SAMD4A: variants seen among roughly 807,000 people sequenced by gnomAD.
The protein encoded by SAMD4A is protein Smaug homolog 1.
SAMD4A carries 33 observed loss-of-function variants against 81.3 expected under a neutral mutation model. That is an observed-to-expected ratio of 0.41 (90% CI 0.31 to 0.54). The LOEUF (loss-of-function observed/expected upper bound fraction) is 0.54. Among genes scored for constraint, SAMD4A ranks in the 20% least tolerant of loss-of-function variants. The pLI is 0.37. For missense variants in SAMD4A, 854 were observed against 951.1 expected (o/e 0.90, Z 1.34); for synonymous variants, 389 against 382.1 (o/e 1.02, Z -0.21).
At chr14:54,653,584 C>G (rs2035455730) in intron 2 of SAMD4A, among the ~76,000 whole-genome samples, 1 of 151,964 alleles carries the variant, frequency 6.6e-6, no homozygotes, top group Non-Finnish European at 1.5e-5. Flanking sequence ...AAGTGATCCA[C>G]CCACCTTGAC....
chr14:54,599,221 G>A (rs1001735919), intron 2 of SAMD4A, among the ~76,000 whole-genome samples: 48 of 152,136 alleles, frequency 3.2e-4, no homozygotes, highest in African/African-American at 1.0e-3. Flanking sequence ...ACCTGTTTTT[G>A]AGACCTTTAA....
At chr14:54,568,768 A>G (rs929246968) in intron 2 of SAMD4A, among the ~76,000 whole-genome samples, 10 of 131,696 alleles carry the variant, frequency 7.6e-5, no homozygotes, top group African/African-American at 2.9e-5. Flanking sequence ...TGCTCGTGAC[A>G]TTATCCATAT....
At chr14:54,620,383 T>C (rs369042622) in intron 2 of SAMD4A, among the ~76,000 whole-genome samples, 5 of 150,516 alleles carry the variant, frequency 3.3e-5, no homozygotes, top group Non-Finnish European at 7.4e-5. Context: ...TCATCATCAT[T>C]ATCAAAACTA....
chr14:54,739,809 G>T (rs1396860328), intron 4 of SAMD4A, among the ~76,000 whole-genome samples: 2 of 152,186 alleles, frequency 1.3e-5, no homozygotes, highest in Non-Finnish European at 2.9e-5. Context: ...CCAAGGGTTT[G>T]TCATTTGATC....
At chr14:54,695,113 C>T (rs1010898315) in intron 2 of SAMD4A, among the ~76,000 whole-genome samples, 19 of 152,182 alleles carry the variant, frequency 1.2e-4, no homozygotes, top group African/African-American at 4.3e-4. Context: ...ATCCAAGGGA[C>T]AGTAGCATTT....
intron 2 of SAMD4A, among the ~76,000 whole-genome samples, chr14:54,616,838 A>T (rs17127671): frequency 0.014 from 2,179 of 152,324 alleles, 46 homozygotes; most frequent in African/African-American, 0.05. Context: ...CGTAACAGGA[A>T]TTCTGAATTT....
intron 10 of SAMD4A, among the ~76,000 whole-genome samples, chr14:54,775,643 G>A (rs933534330): frequency 5.3e-5 from 8 of 152,076 alleles, no homozygotes; most frequent in African/African-American, 1.9e-4. Flanking sequence ...TCTCTGGCCC[G>A]TCGCTCATAC....
chr14:54,655,042 G>A (rs74055554), intron 2 of SAMD4A, among the ~76,000 whole-genome samples: 1 of 152,190 alleles, frequency 6.6e-6, no homozygotes, highest in Non-Finnish European at 1.5e-5. Context: ...TTTCATCGGA[G>A]ACTAGGATCT....
intron 2 of SAMD4A, among the ~76,000 whole-genome samples, chr14:54,609,071 G>C (rs1172960810): frequency 6.6e-6 from 1 of 152,230 alleles, no homozygotes; most frequent in African/African-American, 2.4e-5. Flanking sequence ...TCCAGAACCT[G>C]TGAAAATGTT....
intron 2 of SAMD4A, among the ~76,000 whole-genome samples, chr14:54,619,003 C>A (rs973530032): frequency 6.6e-6 from 1 of 151,826 alleles, no homozygotes; most frequent in African/African-American, 2.4e-5. Flanking sequence ...AAAAAAGAGC[C>A]CCTTTATTAA....
intron 2 of SAMD4A, among the ~76,000 whole-genome samples, chr14:54,646,298 A>G (rs2035285417): frequency 1.3e-5 from 2 of 152,200 alleles, no homozygotes; most frequent in Non-Finnish European, 2.9e-5. Flanking sequence ...ACTACCTAAG[A>G]AGAGGCCTAA....
intron 3 of SAMD4A, among the ~76,000 whole-genome samples, chr14:54,705,157 A>G (rs2036821190): frequency 6.6e-6 from 1 of 150,662 alleles, no homozygotes; most frequent in African/African-American, 2.4e-5. Flanking sequence ...TTGCAGCAGC[A>G]ACAGTAAGCA....
intron 11 of SAMD4A, among the ~76,000 whole-genome samples, chr14:54,783,283 G>A (rs539303654): frequency 4.6e-5 from 7 of 152,136 alleles, no homozygotes; most frequent in East Asian, 1.9e-4. Flanking sequence ...AGGGCTGGGC[G>A]CTGTGGGAGA....
intron 4 of SAMD4A, among the ~76,000 whole-genome samples, chr14:54,744,397 C>T (rs925839459): frequency 7.9e-5 from 12 of 152,108 alleles, no homozygotes; most frequent in African/African-American, 1.9e-4. Context: ...TTGTACACAC[C>T]GCACAGCCTC....
chr14:54,648,871 AT>A (rs2035343345), intron 2 of SAMD4A, among the ~76,000 whole-genome samples: 1 of 152,180 alleles, frequency 6.6e-6, no homozygotes, highest in African/African-American at 2.4e-5. Flanking sequence ...GTGGGGGTTC[AT>A]TTAGGTTGTT....
In SAMD4A at chr14:54,789,198, G is replaced by C; in HGVS notation, c.*254G>C. The C allele has an allele frequency of 5.9e-6, 2 of 339,498 alleles. No individual in the cohort carries two copies. Among genetic ancestry groups the C allele is most frequent in the Non-Finnish European group, 5.7e-6 (1 of 174,538 alleles). The allele number at this position is 339,498 out of a possible 1,614,324, so 21.0% of individuals were successfully genotyped here. ...TGTGGGGTGGGGAGGGGTCTCTAGG[G>C]AATTATGAGACTGGGAGGGGGGTGG... is the stretch of plus-strand genomic sequence containing the variant. On this transcript the variant is annotated 3_prime_UTR_variant, in exon 13 of 13. Transcript: ENST00000554335.
chr14:54,640,803 G>A (rs1324658197), intron 2 of SAMD4A, among the ~76,000 whole-genome samples: 1 of 152,088 alleles, frequency 6.6e-6, no homozygotes, highest in Non-Finnish European at 1.5e-5. Context: ...CGTGGGGAGA[G>A]AGAATGCTAT....
chr14:54,658,681 C>A (rs975222540), intron 2 of SAMD4A, among the ~76,000 whole-genome samples: 1 of 152,232 alleles, frequency 6.6e-6, no homozygotes, highest in Non-Finnish European at 1.5e-5. Flanking sequence ...CCCACAGTCA[C>A]TCTGGCTGAG....
In SAMD4A at chr14:54,704,678, T is replaced by C. The variant is rs7144775; in HGVS notation, c.715+2098T>C. ...ACCAGATGACTAGCTGACATACCTC[T>C]GGAAGAAGGCAGGCATCGGAGCCCT... On this transcript the variant is annotated intron_variant, in intron 3 of 12. Coordinates refer to ENST00000554335, the MANE Select transcript of SAMD4A (RefSeq NM_015589.6). 4.0e-3 allele frequency among the ~76,000 whole-genome samples: 605 copies of C among 152,294 alleles called. 1 individual carries two copies. Among genetic ancestry groups the C allele is most frequent in the African/African-American group, 0.013 (558 of 41,570 alleles).
Sources: gnomAD v4.1 joint callset for allele counts (sites outside exome capture counted in the v4.1 genomes callset) on GRCh38, gnomAD v4.1.1 for gene constraint, MANE v1.5 for transcripts, NCBI Gene and HGNC (gene_info 2026-07-23, HGNC 2026-07-21) for gene names.